Variants in CPA6 observed in about 807,000 individuals in gnomAD.
CPA6 encodes the protein carboxypeptidase A6.
A neutral mutation model predicts 63.3 loss-of-function variants in CPA6; 58 were observed. The observed-to-expected ratio is 0.92, with a 90% CI of 0.74 to 1.14. CPA6 has a LOEUF of 1.14. Among genes scored for constraint, CPA6 ranks in the 50% most tolerant of loss-of-function variants. CPA6 has a pLI of 0.00. For missense variants in CPA6, 565 were observed against 526.6 expected (o/e 1.07, Z -0.71); for synonymous variants, 185 against 179.0 (o/e 1.03, Z -0.27).
At chr8:67,474,838 G>C (rs1390663083) in intron 8 of CPA6, among the ~76,000 whole-genome samples, 1 of 152,042 alleles carries the variant, frequency 6.6e-6, no homozygotes, top group East Asian at 1.9e-4. Flanking sequence ...AATTAGTCAG[G>C]TATGATGGCT....
At chr8:67,425,682 AATAATT>A (rs1485473945) in intron 10 of CPA6, among the ~76,000 whole-genome samples, 1 of 152,126 alleles carries the variant, frequency 6.6e-6, no homozygotes, top group Non-Finnish European at 1.5e-5. Flanking sequence ...CCAGAGATGG[AATAATT>A]ATGTAAAGAT....
At position 67,651,864 on chromosome 8, in the gene CPA6, G is replaced by A. The variant is rs561625440; in HGVS notation, c.117-27613C>T. 1.1e-4 allele frequency among the ~76,000 whole-genome samples: 17 copies of A among 152,060 alleles called. No homozygotes were observed. The South Asian group carries it at 3.5e-3, about 32-fold the overall frequency. ...CCATTAACTCGTCATTTAGCATTAG[G>A]TATATCTCCTAAAGCTATCCCTCCC... On this transcript the variant is annotated intron_variant, in intron 1 of 10. Coordinates refer to ENST00000297770, the MANE Select transcript of CPA6 (RefSeq NM_020361.5).
intron 8 of CPA6, among the ~76,000 whole-genome samples, chr8:67,447,089 C>CACACATATATAT (rs1349878154): frequency 2.7e-5 from 4 of 150,880 alleles, no homozygotes; most frequent in South Asian, 2.1e-4. Flanking sequence ...CATATATATA[C>CACACATATATAT]ACACATATAT....
intron 8 of CPA6, among the ~76,000 whole-genome samples, chr8:67,457,755 T>C (rs1810708461): frequency 6.6e-6 from 1 of 152,188 alleles, no homozygotes; most frequent in Admixed American, 6.5e-5. Flanking sequence ...TTCCTCAGCA[T>C]GGTGTCCAAG....
chr8:67,442,620 T>G (rs966247370), intron 8 of CPA6, among the ~76,000 whole-genome samples: 3 of 152,238 alleles, frequency 2.0e-5, no homozygotes, highest in African/African-American at 7.2e-5. Flanking sequence ...TTTTGGTGGA[T>G]GCGCCTAGAG....
intron 2 of CPA6, among the ~76,000 whole-genome samples, chr8:67,622,219 G>A (rs1233763056): frequency 6.6e-6 from 1 of 152,186 alleles, no homozygotes; most frequent in Non-Finnish European, 1.5e-5. Context: ...ATGAAAAGTG[G>A]CTATTTTTCT....
chr8:67,498,785 C>T (rs184123000), intron 6 of CPA6, among the ~76,000 whole-genome samples: 45 of 152,116 alleles, frequency 3.0e-4, no homozygotes, highest in Non-Finnish European at 4.4e-5. Flanking sequence ...GCAATCTAAG[C>T]GTACCAACCA....
At chr8:67,552,822 A>G (rs1306008692) in intron 2 of CPA6, among the ~76,000 whole-genome samples, 1 of 151,056 alleles carries the variant, frequency 6.6e-6, no homozygotes, top group African/African-American at 2.4e-5. Context: ...GAACAAGAGA[A>G]GGGCCTCTTT....
chr8:67,646,995 A>C (rs916384358), intron 1 of CPA6, among the ~76,000 whole-genome samples: 1 of 152,186 alleles, frequency 6.6e-6, no homozygotes, highest in African/African-American at 2.4e-5. Context: ...TTTTAAGCTC[A>C]CTCTGGCTGC....
At chr8:67,483,062 A>G (rs1811392259) in intron 8 of CPA6, among the ~76,000 whole-genome samples, 1 of 152,162 alleles carries the variant, frequency 6.6e-6, no homozygotes. Flanking sequence ...ACAAGGGTCT[A>G]TATTTTGAGG....
chr8:67,536,250 G>A (rs1193693405), intron 2 of CPA6, among the ~76,000 whole-genome samples: 2 of 152,176 alleles, frequency 1.3e-5, no homozygotes, highest in African/African-American at 4.8e-5. Context: ...ACGGTAGCTT[G>A]ATGGGAATAG....
At chr8:67,471,601 G>C (rs981575966) in intron 8 of CPA6, among the ~76,000 whole-genome samples, 4 of 151,902 alleles carry the variant, frequency 2.6e-5, no homozygotes, top group African/African-American at 9.7e-5. Flanking sequence ...ATGCTGTTCT[G>C]CAAGACAGAA....
chr8:67,649,990 A>G (rs1050543637), intron 1 of CPA6, among the ~76,000 whole-genome samples: 1 of 152,210 alleles, frequency 6.6e-6, no homozygotes, highest in Non-Finnish European at 1.5e-5. Context: ...AGACTCAGGA[A>G]GTCAGATTGT....
chr8:67,584,039 T>C (rs1391646317), intron 2 of CPA6, among the ~76,000 whole-genome samples: 1 of 152,074 alleles, frequency 6.6e-6, no homozygotes, highest in Non-Finnish European at 1.5e-5. Flanking sequence ...GTGCCTGTAA[T>C]CCCAGCTACT....
At chr8:67,685,476 G>A (rs1286169761) in intron 1 of CPA6, among the ~76,000 whole-genome samples, 4 of 152,086 alleles carry the variant, frequency 2.6e-5, no homozygotes, top group Non-Finnish European at 5.9e-5. Context: ...AAAATTAGCC[G>A]GGCATGGTGG....
At chr8:67,664,271 C>G (rs1037127566) in intron 1 of CPA6, among the ~76,000 whole-genome samples, 1 of 152,164 alleles carries the variant, frequency 6.6e-6, no homozygotes, top group Non-Finnish European at 1.5e-5. Context: ...CAGATCTACC[C>G]CTAACATTTG....
intron 2 of CPA6, among the ~76,000 whole-genome samples, chr8:67,570,480 T>C (rs1354728812): frequency 1.3e-5 from 2 of 152,110 alleles, no homozygotes; most frequent in African/African-American, 4.8e-5. Context: ...AAGGGCAAAA[T>C]TGTTAATAAC....
intron 8 of CPA6, among the ~76,000 whole-genome samples, chr8:67,471,308 A>T (rs1298528425): frequency 6.6e-6 from 1 of 152,322 alleles, no homozygotes; most frequent in Admixed American, 6.5e-5. Flanking sequence ...ACTGTCTAGC[A>T]TGTGTAACAA....
intron 2 of CPA6, among the ~76,000 whole-genome samples, chr8:67,580,471 C>T (rs1211381988): frequency 1.3e-5 from 2 of 152,222 alleles, no homozygotes; most frequent in East Asian, 3.9e-4. Context: ...AGTTTAGAAG[C>T]CTCAATGTCT....
Sources: gnomAD v4.1 joint callset for allele counts (sites outside exome capture counted in the v4.1 genomes callset) on GRCh38, gnomAD v4.1.1 for gene constraint, MANE v1.5 for transcripts, NCBI Gene and HGNC (gene_info 2026-07-23, HGNC 2026-07-21) for gene names.